Variants in TTLL5 observed in about 807,000 individuals in gnomAD.
TTLL5 encodes the protein tubulin tyrosine ligase like 5.
In TTLL5, 132 loss-of-function variants were observed where a neutral mutation model predicts 168.4. The ratio of observed to expected loss-of-function variants is 0.78; its 90% CI spans 0.68 to 0.91. The LOEUF (loss-of-function observed/expected upper bound fraction) is 0.91, where lower values mean the gene tolerates loss of function less well. TTLL5 is among the 40% of genes least tolerant of loss of function. The pLI, the probability that TTLL5 is intolerant of heterozygous loss-of-function variation, is 0.00. For synonymous variants in TTLL5, 546 were observed against 558.6 expected (o/e 0.98, Z 0.32); for missense variants, 1,545 against 1,581.5 (o/e 0.98, Z 0.39).
chr14:75,751,355 A>AC (rs1213927197), intron 17 of TTLL5, among the ~76,000 whole-genome samples: 3 of 152,166 alleles, frequency 2.0e-5, no homozygotes, highest in Non-Finnish European at 2.9e-5. Context: ...GAAGCACTTT[A>AC]CAGTTCTCTT....
intron 28 of TTLL5, among the ~76,000 whole-genome samples, chr14:75,857,416 G>GATAGATAT (rs906308810): frequency 2.5e-4 from 38 of 150,874 alleles, no homozygotes; most frequent in Middle Eastern, 3.4e-3. Context: ...TAGATAGATA[G>GATAGATAT]ATTTTATTAG....
chr14:75,780,907 C>A lies in TTLL5; in HGVS notation c.2515+1205C>A, dbSNP rs558197635. ...GCACCTATTATGTGTTAGGCATTTTCATGGTTGCTAGGGATACAATGACCA... is the reference window on the plus strand; with the variant it reads ...GCACCTATTATGTGTTAGGCATTTTAATGGTTGCTAGGGATACAATGACCA... On this transcript the variant is annotated intron_variant, in intron 24 of 31. Coordinates refer to ENST00000298832, the MANE Select transcript of TTLL5 (RefSeq NM_015072.5). Among the ~76,000 whole-genome samples the A allele has an allele frequency of 2.0e-5, 3 of 152,184 alleles. No homozygotes were observed. The South Asian group carries it at 6.2e-4, about 32-fold the overall frequency.
intron 31 of TTLL5, chr14:75,906,415 A>T (rs1163203704): frequency 3.3e-6 from 2 of 614,574 alleles, no homozygotes; most frequent in Non-Finnish European, 4.1e-6. Context: ...AGAGACTGTG[A>T]ATTGGAATTT....
chr14:75,714,623 A>T (rs1051279928), intron 9 of TTLL5, among the ~76,000 whole-genome samples: 1 of 152,062 alleles, frequency 6.6e-6, no homozygotes, highest in Admixed American at 6.6e-5. Flanking sequence ...ATTTATTTTG[A>T]TGCTCAAATT....
intron 30 of TTLL5, among the ~76,000 whole-genome samples, chr14:75,891,976 G>T (rs2032425293): frequency 6.6e-6 from 1 of 152,142 alleles, no homozygotes; most frequent in African/African-American, 2.4e-5. Flanking sequence ...TTCTGCAGCT[G>T]CTCTTGTTTC....
At chr14:75,721,328 G>T (rs922339283) in intron 12 of TTLL5, among the ~76,000 whole-genome samples, 1 of 152,146 alleles carries the variant, frequency 6.6e-6, no homozygotes, top group Non-Finnish European at 1.5e-5. Context: ...AGCACTGAGG[G>T]TGCCTATGGA....
At chr14:75,832,063 A>G (rs920411753) in intron 28 of TTLL5, among the ~76,000 whole-genome samples, 2 of 152,252 alleles carry the variant, frequency 1.3e-5, no homozygotes, top group Admixed American at 1.3e-4. Flanking sequence ...TCTTGAGGCT[A>G]GAACTTCTCC....
At chr14:75,830,787 G>A (rs1355450801) in intron 28 of TTLL5, among the ~76,000 whole-genome samples, 1 of 152,136 alleles carries the variant, frequency 6.6e-6, no homozygotes, top group Non-Finnish European at 1.5e-5. Flanking sequence ...ACTTATTGAT[G>A]TACAAATATT....
intron 31 of TTLL5, among the ~76,000 whole-genome samples, chr14:75,923,149 A>G (rs2033888842): frequency 6.6e-6 from 1 of 152,188 alleles, no homozygotes; most frequent in Non-Finnish European, 1.5e-5. Flanking sequence ...TGATCTTCTC[A>G]AAAAACCAGC....
At chr14:75,914,054 ATT>A (rs2033508986) in intron 31 of TTLL5, among the ~76,000 whole-genome samples, 2 of 123,730 alleles carry the variant, frequency 1.6e-5, no homozygotes, top group Non-Finnish European at 3.2e-5. Context: ...ATATATATAT[ATT>A]TTATCCCCTA....
At chr14:75,866,036 G>A (rs2030489096) in intron 29 of TTLL5, among the ~76,000 whole-genome samples, 1 of 152,200 alleles carries the variant, frequency 6.6e-6, no homozygotes, top group South Asian at 2.1e-4. Flanking sequence ...TTCTGGGACT[G>A]TAGGAGAGAG....
chr14:75,715,264 CTTTTTTTTT>C (rs1201985101), intron 9 of TTLL5, among the ~76,000 whole-genome samples: 7 of 130,950 alleles, frequency 5.3e-5, no homozygotes, highest in African/African-American at 2.0e-4. Flanking sequence ...CACCATCTTC[CTTTTTTTTT>C]TTTTTTTTTT....
At chr14:75,912,949 G>A (rs1043934282) in intron 31 of TTLL5, among the ~76,000 whole-genome samples, 3 of 152,140 alleles carry the variant, frequency 2.0e-5, no homozygotes, top group East Asian at 1.9e-4. Context: ...TGTGGTCTTC[G>A]TAATCCAAGG....
At chr14:75,887,804 A>G (rs2032194182) in intron 30 of TTLL5, among the ~76,000 whole-genome samples, 1 of 152,050 alleles carries the variant, frequency 6.6e-6, no homozygotes, top group African/African-American at 2.4e-5. Context: ...TTAGGAACTC[A>G]CTCCTCTCTT....
rs527748273 is a variant in TTLL5 at position 75,670,011 on chromosome 14, T to C, written c.181+489T>C. Among the ~76,000 whole-genome samples, 3 of 152,354 alleles carry C rather than the reference T, an allele frequency of 2.0e-5. No individual in the cohort carries two copies. In the South Asian group the frequency reaches 6.2e-4, roughly 32 times the overall value. ...TTTATATAAATGGAGTCATGTGATA[T>C]GTGACCTTTTTTGGCAGGCTTCTTT... is the stretch of plus-strand genomic sequence containing the variant. On this transcript the variant is annotated intron_variant, in intron 3 of 31. Transcript: ENST00000298832.
rs553840758 is a variant in TTLL5 at position 75,835,192 on chromosome 14, A to G, written c.3326+15031A>G. ...AGTTGTCATTCTTCATGTCTTTGCA[A>G]CACACTTCCACATACAAGAACTTTG... On this transcript the variant is annotated intron_variant, in intron 28 of 31. Coordinates refer to ENST00000298832, the MANE Select transcript of TTLL5 (RefSeq NM_015072.5). Among the ~76,000 whole-genome samples the G allele has an allele frequency of 1.1e-4, 16 of 152,336 alleles. No homozygotes were observed. The East Asian group carries it at 2.5e-3, about 24-fold the overall frequency.
intron 30 of TTLL5, among the ~76,000 whole-genome samples, chr14:75,891,611 G>A (rs2032405840): frequency 6.6e-6 from 1 of 152,194 alleles, no homozygotes; most frequent in Non-Finnish European, 1.5e-5. Flanking sequence ...AATGGCAGTG[G>A]TGATGGTGGA....
chr14:75,720,293 T>A (rs895504963), intron 11 of TTLL5, among the ~76,000 whole-genome samples: 2 of 152,194 alleles, frequency 1.3e-5, no homozygotes, highest in Non-Finnish European at 2.9e-5. Context: ...AAAAGACTTT[T>A]CATTTCACAA....
chr14:75,843,346 A>C (rs929877406), intron 28 of TTLL5, among the ~76,000 whole-genome samples: 3 of 152,156 alleles, frequency 2.0e-5, no homozygotes, highest in Admixed American at 2.0e-4. Flanking sequence ...TGAGCTTATG[A>C]CTTCCAGCTG....
Sources: allele counts gnomAD v4.1 joint callset (sites outside exome capture counted in the v4.1 genomes callset), GRCh38; gene constraint gnomAD v4.1.1; transcripts MANE v1.5; gene names NCBI Gene and HGNC (gene_info 2026-07-23, HGNC 2026-07-21).